Variants in RMST observed in about 807,000 individuals in gnomAD.
RMST encodes long intergenic non-protein coding RNA 54.
intron 7 of RMST, among the ~76,000 whole-genome samples, chr12:97,493,545 A>C (rs1273377447): frequency 6.6e-6 from 1 of 152,128 alleles, no homozygotes; most frequent in African/African-American, 2.4e-5. Context: ...TCCTTGACTG[A>C]CATTTTATCT....
chr12:97,484,690 T>C (rs1456785665), intron 5 of RMST, among the ~76,000 whole-genome samples: 14 of 152,168 alleles, frequency 9.2e-5, no homozygotes. Context: ...AAATGTAACA[T>C]CATTTGAAAA....
chr12:97,483,184 G>C (rs1016840647), intron 5 of RMST, among the ~76,000 whole-genome samples: 8 of 152,108 alleles, frequency 5.3e-5, no homozygotes, highest in Non-Finnish European at 1.2e-4. Context: ...CACTAATAAA[G>C]GGCTAAAGAA....
chr12:97,540,739 C>G (rs1226575892), intron 11 of RMST, among the ~76,000 whole-genome samples: 2 of 151,564 alleles, frequency 1.3e-5, no homozygotes, highest in Admixed American at 6.6e-5. Context: ...TAACCCAATG[C>G]CTAACGTCAA....
At chr12:97,496,257 A>G (rs992307692) in intron 10 of RMST, among the ~76,000 whole-genome samples, 1 of 152,182 alleles carries the variant, frequency 6.6e-6, no homozygotes, top group African/African-American at 2.4e-5. Flanking sequence ...ATTTTTTTCA[A>G]CCCAAATGGG....
intron 11 of RMST, among the ~76,000 whole-genome samples, chr12:97,549,575 G>A (rs1335326057): frequency 1.3e-5 from 2 of 152,322 alleles, no homozygotes; most frequent in East Asian, 1.9e-4. Context: ...GACCCAATGT[G>A]GTAAGTTTAA....
intron 10 of RMST, among the ~76,000 whole-genome samples, chr12:97,523,700 A>G (rs750739767): frequency 5.0e-4 from 76 of 152,192 alleles, no homozygotes; most frequent in Non-Finnish European, 2.1e-4. Context: ...TTGTGCTACT[A>G]TCGCACAGCT....
chr12:97,470,410 A>G (rs721155), intron 5 of RMST, among the ~76,000 whole-genome samples: 5,772 of 152,026 alleles, frequency 0.038, 285 homozygotes, highest in Admixed American at 0.084. Context: ...TGCAGTTCAT[A>G]CATGTTTTAG....
At chr12:97,511,658 A>G (rs770679370) in intron 10 of RMST, among the ~76,000 whole-genome samples, 4 of 152,238 alleles carry the variant, frequency 2.6e-5, no homozygotes, top group Admixed American at 6.5e-5. Context: ...ACTATGCCTC[A>G]GTTGCCTCAT....
At chr12:97,525,539 GAT>G (rs1555232879) in intron 10 of RMST, among the ~76,000 whole-genome samples, 1 of 152,082 alleles carries the variant, frequency 6.6e-6, no homozygotes, top group Non-Finnish European at 1.5e-5. Flanking sequence ...AACCTCAAAG[GAT>G]ATACTGTGAA....
chr12:97,536,343 T>C (rs1253729476), intron 11 of RMST, among the ~76,000 whole-genome samples: 1 of 151,566 alleles, frequency 6.6e-6, no homozygotes, highest in African/African-American at 2.4e-5. Flanking sequence ...CTTATGAGAA[T>C]AAAAGAATTA....
At chr12:97,513,972 C>T (rs912950252) in intron 10 of RMST, among the ~76,000 whole-genome samples, 1 of 152,160 alleles carries the variant, frequency 6.6e-6, no homozygotes, top group African/African-American at 2.4e-5. Flanking sequence ...TGGAAGCAAA[C>T]AGTGGCAGTT....
chr12:97,525,753 C>T (rs1881029467), intron 10 of RMST, among the ~76,000 whole-genome samples: 1 of 152,118 alleles, frequency 6.6e-6, no homozygotes, highest in Non-Finnish European at 1.5e-5. Context: ...ATCCCCTGGC[C>T]ACAAACCAGA....
intron 5 of RMST, among the ~76,000 whole-genome samples, chr12:97,468,906 G>C (rs1873539048): frequency 6.6e-6 from 1 of 151,868 alleles, no homozygotes; most frequent in Non-Finnish European, 1.5e-5. Flanking sequence ...CACTATTCTT[G>C]TGGCTCTTGA....
At chr12:97,519,970 T>A (rs1880342618) in intron 10 of RMST, among the ~76,000 whole-genome samples, 1 of 152,180 alleles carries the variant, frequency 6.6e-6, no homozygotes, top group Non-Finnish European at 1.5e-5. Flanking sequence ...AAATAATTGA[T>A]CACGAGGTAG....
At chr12:97,516,807 G>A (rs1295614017) in intron 10 of RMST, among the ~76,000 whole-genome samples, 3 of 151,850 alleles carry the variant, frequency 2.0e-5, no homozygotes, top group Non-Finnish European at 2.9e-5. Flanking sequence ...CATAAAATTA[G>A]TAATTTAAAG....
At chr12:97,514,695 A>G (rs542905100) in intron 10 of RMST, among the ~76,000 whole-genome samples, 1 of 152,164 alleles carries the variant, frequency 6.6e-6, no homozygotes, top group South Asian at 2.1e-4. Flanking sequence ...CAAAGTGACA[A>G]ATACCATTTT....
chr12:97,547,257 T>C (rs1246542814), intron 11 of RMST, among the ~76,000 whole-genome samples: 1 of 151,524 alleles, frequency 6.6e-6, no homozygotes, highest in Non-Finnish European at 1.5e-5. Flanking sequence ...TATGTATGCG[T>C]ATCACATTTT....
intron 10 of RMST, among the ~76,000 whole-genome samples, chr12:97,500,267 T>A (rs1459232294): frequency 6.6e-6 from 1 of 152,158 alleles, no homozygotes; most frequent in Non-Finnish European, 1.5e-5. Flanking sequence ...ATCCACAAAC[T>A]GTTTCTCAAA....
intron 11 of RMST, among the ~76,000 whole-genome samples, chr12:97,559,768 G>A (rs922440753): frequency 2.0e-5 from 3 of 152,142 alleles, no homozygotes; most frequent in Admixed American, 1.3e-4. Flanking sequence ...GCTTCTAGAA[G>A]TGTGGGGATG....
Sources: allele counts gnomAD v4.1 joint callset (sites outside exome capture counted in the v4.1 genomes callset), GRCh38; gene constraint gnomAD v4.1.1; transcripts MANE v1.5; gene names NCBI Gene and HGNC (gene_info 2026-07-23, HGNC 2026-07-21).